Variants in HMCN2 observed in about 807,000 individuals in gnomAD.
The protein encoded by HMCN2 is hemicentin-2.
In HMCN2, 325 loss-of-function variants were observed where a neutral mutation model predicts 377.5. That is an observed-to-expected ratio of 0.86 (90% CI 0.79 to 0.94). The LOEUF (loss-of-function observed/expected upper bound fraction) is 0.94. HMCN2 is among the 40% of genes least tolerant of loss of function. The pLI is 0.00. For missense variants in HMCN2, 4,543 were observed against 4,725.3 expected (o/e 0.96, Z 1.13); for synonymous variants, 2,007 against 2,046.8 (o/e 0.98, Z 0.53).
At chr9:130,322,436 T>A (rs1291924855) in intron 19 of HMCN2, among the ~76,000 whole-genome samples, 7 of 152,264 alleles carry the variant, frequency 4.6e-5, no homozygotes, top group African/African-American at 1.7e-4. Context: ...CCAAATAGGA[T>A]CACATGCTGT....
chr9:130,395,917 TCTCC>T lies in HMCN2; in HGVS notation c.10912-6_10912-3del. ...AAGGGTCTGTCCACCCTGGCGGGGC[TCTCC>T]AGGAGGACGCCCACACACAATTCCC... On this transcript the variant is annotated splice_polypyrimidine_tract_variant and splice_region_variant and intron_variant, in intron 71 of 97. Coordinates refer to ENST00000683500, the MANE Select transcript of HMCN2 (RefSeq NM_001291815.2). The T allele has an allele frequency of 1.6e-6, 2 of 1,285,828 alleles. No homozygotes were observed. Among genetic ancestry groups the T allele is most frequent in the Non-Finnish European group, 2.0e-6 (2 of 987,688 alleles). The allele number at this position is 1,285,828 out of a possible 1,614,324, so 79.7% of individuals were successfully genotyped here. A position where few individuals can be genotyped will look rare whatever the true frequency, so the allele number is the denominator to read the frequency against.
chr9:130,315,206 CCCTCCCCT>C (rs1837483034), intron 15 of HMCN2, among the ~76,000 whole-genome samples: 1 of 3,682 alleles, frequency 2.7e-4, no homozygotes, highest in Non-Finnish European at 8.1e-4. Context: ...CCCCTCCCTC[CCCTCCCCT>C]CCCTCCCCTC....
chr9:130,371,416 A>G (rs1434767873), intron 46 of HMCN2, among the ~76,000 whole-genome samples: 4 of 151,878 alleles, frequency 2.6e-5, no homozygotes, highest in Admixed American at 2.0e-4. Flanking sequence ...GTCCTGCAGA[A>G]AAAAAAAAAA....
chr9:130,399,019 G>A (rs369768368), intron 75 of HMCN2, among the ~76,000 whole-genome samples: 3 of 152,136 alleles, frequency 2.0e-5, no homozygotes, highest in African/African-American at 4.8e-5. Flanking sequence ...TTGGGAGGCT[G>A]AGGTGGGAGG....
rs749069853 is a variant in HMCN2, at chr9:130,408,874, C to T, written c.12820C>T (p.Arg4274Trp). Residue 4274 changes from arginine (R) to tryptophan (W), a missense_variant, in exon 84 of 98, where the codon CGG (arginine) becomes TGG (tryptophan). Coordinates refer to ENST00000683500, the MANE Select transcript of HMCN2 (RefSeq NM_001291815.2). ...IHWIKDGLPL[R>W]GSHLRHQLQN... ...CTGGATCAAAGATGGCCTTCCACTG[C>T]GGGGCAGCCACCTCCGGCACCAGCT... The T allele has an allele frequency of 8.8e-5, 114 of 1,289,654 alleles. No homozygotes were observed. The highest frequency in any genetic ancestry group is 9.7e-5 in the Non-Finnish European group (96 of 988,870). The allele number at this position is 1,289,654 out of a possible 1,614,324, so 79.9% of individuals were successfully genotyped here. A position where few individuals can be genotyped will look rare whatever the true frequency, so the allele number is the denominator to read the frequency against.
chr9:130,271,201 A>G lies in HMCN2; in HGVS notation c.259+5064A>G, dbSNP rs368629957. ...AGCTTGATTGCCTGACTCGGATAGT[A>G]TTTTTCAGATTTCTCCACTATAGAG... On this transcript the variant is annotated intron_variant, in intron 1 of 97. Transcript: ENST00000683500. Among the ~76,000 whole-genome samples, 93 of 148,548 alleles carry G rather than the reference A, an allele frequency of 6.3e-4. 7 individuals are homozygous for G. The South Asian group carries it at 0.02, about 32-fold the overall frequency.
chr9:130,364,711 C>T lies in HMCN2; in HGVS notation c.6233-3C>T, dbSNP rs1840597760. The T allele has an allele frequency of 2.0e-6, 2 of 986,056 alleles. No individual in the cohort carries two copies. The highest frequency in any genetic ancestry group is 2.4e-6 in the Non-Finnish European group (2 of 830,074). 61.1% of individuals were successfully genotyped at this position (986,056 alleles called of 1,614,324 possible). ...GGAGCCCTTCTCCTGCCCCCTCCTG[C>T]AGTGCCCCCGAGTATCCTTGGAGAA... On this transcript the variant is annotated splice_region_variant and splice_polypyrimidine_tract_variant and intron_variant, in intron 40 of 97. Coordinates refer to ENST00000683500, the MANE Select transcript of HMCN2 (RefSeq NM_001291815.2).
chr9:130,415,369 G>A (rs1843631747), intron 85 of HMCN2, among the ~76,000 whole-genome samples: 1 of 152,140 alleles, frequency 6.6e-6, no homozygotes, highest in Non-Finnish European at 1.5e-5. Flanking sequence ...ATGGGGTCTT[G>A]CTCTGTCACC....
intron 1 of HMCN2, among the ~76,000 whole-genome samples, chr9:130,274,027 T>C (rs889289664): frequency 6.6e-6 from 1 of 151,864 alleles, no homozygotes; most frequent in Non-Finnish European, 1.5e-5. Flanking sequence ...ATCCTTCTCC[T>C]GTTGACCTAT....
Position 130,369,803 on chromosome 9 carries a change from G to A in HMCN2, c.7021G>A (p.Glu2341Lys), listed in dbSNP as rs1329310626. 8.1e-6 allele frequency: 8 copies of A among 986,094 alleles called. No homozygotes were observed. Among genetic ancestry groups the A allele is most frequent in the African/African-American group, 7.0e-5 (4 of 57,370 alleles). The allele number at this position is 986,094 out of a possible 1,614,324, so 61.1% of individuals were successfully genotyped here. A position where few individuals can be genotyped will look rare whatever the true frequency, so the allele number is the denominator to read the frequency against. Residue 2341 changes from glutamate (E) to lysine (K), a missense_variant, in exon 45 of 98, where the codon GAG (glutamate) becomes AAG (lysine). By Grantham distance (56) the Glu-to-Lys change is moderately conservative (BLOSUM62 1). Coordinates refer to ENST00000683500, the MANE Select transcript of HMCN2 (RefSeq NM_001291815.2). This position sits in a 1 kb window ranked among gnomAD's most constrained non-coding sequence, Gnocchi z 4.5. ...AHTGRYSCVAENLAGRAERKF... is the reference protein window; with the variant it reads ...AHTGRYSCVAKNLAGRAERKF... ...CACTGGACGCTACAGCTGTGTGGCCGAGAACCTGGCTGGGAGGGCAGAGAG... is the reference window on the plus strand; with the variant it reads ...CACTGGACGCTACAGCTGTGTGGCCAAGAACCTGGCTGGGAGGGCAGAGAG...
rs1839822589 is a variant in HMCN2 at position 130,353,130 on chromosome 9, G to A, written c.4789G>A (p.Asp1597Asn). Reference sequence around the variant, plus strand: ...GCAGCTGGGGAGGGCCCAGAGCTCCGATGCCGGCGTCTACACCTGCAAGGC... The same window carrying A: ...GCAGCTGGGGAGGGCCCAGAGCTCCAATGCCGGCGTCTACACCTGCAAGGC... ...QLQLGRAQSS[D>N]AGVYTCKASN... The change falls in exon 31 of 98, where the codon GAT becomes AAT. Residue 1597 changes from aspartate to asparagine, a missense_variant. By Grantham distance (23) the Asp-to-Asn change is conservative. This residue lies in a region of HMCN2 where 1,032 missense variants were observed against 1,285.1 expected (regional missense o/e 0.80). Transcript: ENST00000683500. The A allele has an allele frequency of 1.5e-5, 20 of 1,304,192 alleles. No individual in the cohort carries two copies. The highest frequency in any genetic ancestry group is 2.0e-5 in the Non-Finnish European group (20 of 988,940). The allele number at this position is 1,304,192 out of a possible 1,614,324, so 80.8% of individuals were successfully genotyped here.
chr9:130,334,950 A>T (rs981681095), intron 22 of HMCN2, among the ~76,000 whole-genome samples: 1 of 151,678 alleles, frequency 6.6e-6, no homozygotes, highest in Non-Finnish European at 1.5e-5. Flanking sequence ...GATCCTCCCA[A>T]CTCAGCCTCT....
chr9:130,382,908 G>A (rs1841807864), intron 56 of HMCN2, 42 bp downstream of exon 56: 19 of 971,116 alleles, frequency 2.0e-5, no homozygotes, highest in Non-Finnish European at 2.3e-5. Context: ...AGTGGCTGCT[G>A]AGGCCCAGCA....
chr9:130,353,099 G>T lies in HMCN2; in HGVS notation c.4758G>T (p.Arg1586=), dbSNP rs1177424338. 1.5e-6 allele frequency: 2 copies of T among 1,304,140 alleles called. No homozygotes were observed. The highest frequency in any genetic ancestry group is 2.0e-6 in the Non-Finnish European group (2 of 988,958). 80.8% of individuals were successfully genotyped at this position (1,304,140 alleles called of 1,614,324 possible). A position where few individuals can be genotyped will look rare whatever the true frequency, so the allele number is the denominator to read the frequency against. The stretch of plus-strand genomic sequence containing the variant: ...AGGTGGTCTACACTAGGGGCGGTCG[G>T]CAGTTGCAGCTGGGGAGGGCCCAGA... ...STKVVYTRGG[R]QLQLGRAQSS... The change falls in exon 31 of 98, where the codon CGG becomes CGT. Residue 1586 remains arginine (R), a synonymous_variant. Coordinates refer to ENST00000683500, the MANE Select transcript of HMCN2 (RefSeq NM_001291815.2).
In HMCN2 at chr9:130,310,028, G is replaced by A. The variant is rs898740578; in HGVS notation, c.2317G>A (p.Asp773Asn). The change falls in exon 15 of 98, where the codon GAC (aspartate) becomes AAC (asparagine). Residue 773 changes from aspartate to asparagine, a missense_variant. By Grantham distance (23) the Asp-to-Asn change is conservative. Around this residue, in one of 5 missense-constraint regions of HMCN2, gnomAD observed 547 missense variants for 189.9 expected, o/e 2.88. Transcript: ENST00000683500. Reference protein sequence around the residue: ...YTCRAVNELGDASAEIQLAVG... With the variant: ...YTCRAVNELGNASAEIQLAVG... ...CTGCCGGGCTGTCAATGAGTTGGGT[G>A]ACGCCTCTGCAGAAATCCAGCTGGC... 5.6e-6 allele frequency: 3 copies of A among 533,972 alleles called. No individual in the cohort carries two copies. 33.1% of individuals were successfully genotyped at this position (533,972 alleles called of 1,614,324 possible). A position where few individuals can be genotyped will look rare whatever the true frequency, so the allele number is the denominator to read the frequency against.
rs188289789 is a variant in HMCN2 at position 130,429,419 on chromosome 9, C to A, written c.14198-138C>A. On this transcript the variant is annotated intron_variant, in intron 93 of 97. Coordinates refer to ENST00000683500, the MANE Select transcript of HMCN2 (RefSeq NM_001291815.2). Reference sequence around the variant, plus strand: ...ATAACTGGGGGAGGTGCTGTGAGGGCGGCCATGCAGCCTGGTGGCACTGAA... The same window carrying A: ...ATAACTGGGGGAGGTGCTGTGAGGGAGGCCATGCAGCCTGGTGGCACTGAA... 4.8e-6 allele frequency: 5 copies of A among 1,037,212 alleles called. No homozygotes were observed. In the Admixed American group the frequency reaches 1.3e-4, roughly 26 times the overall value. 64.3% of individuals were successfully genotyped at this position (1,037,212 alleles called of 1,614,324 possible).
chr9:130,424,919 C>T lies in HMCN2; in HGVS notation c.13519+6C>T, dbSNP rs1844237514. ...ACACGTGGAGTTTGCTACAGGTAAA[C>T]AGGGCCTCCCCCAGGTGGGCCAGGT... On this transcript the variant is annotated splice_donor_region_variant and intron_variant, in intron 88 of 97. Transcript: ENST00000683500. The T allele has an allele frequency of 1.4e-6, 2 of 1,461,510 alleles. No individual in the cohort carries two copies. The highest frequency in any genetic ancestry group is 1.4e-5 in the African/African-American group (1 of 70,302). The allele number at this position is 1,461,510 out of a possible 1,614,324, so 90.5% of individuals were successfully genotyped here. A position where few individuals can be genotyped will look rare whatever the true frequency, so the allele number is the denominator to read the frequency against.
intron 54 of HMCN2, among the ~76,000 whole-genome samples, chr9:130,381,927 C>T (rs906025428): frequency 4.6e-5 from 7 of 152,140 alleles, no homozygotes; most frequent in Non-Finnish European, 7.3e-5. Context: ...GTGACAACAG[C>T]GTGTGCCCCA....
chr9:130,415,131 AC>A (rs945432122), intron 85 of HMCN2, among the ~76,000 whole-genome samples: 8 of 151,858 alleles, frequency 5.3e-5, no homozygotes, highest in African/African-American at 1.9e-4. Context: ...CCGGACTTCC[AC>A]TCTCATCTAG....
Sources: gnomAD v4.1 joint callset for allele counts (sites outside exome capture counted in the v4.1 genomes callset) on GRCh38, gnomAD v4.1.1 for gene constraint, gnomAD v4.1.1 regional missense constraint, Gnocchi (gnomAD v3.1) non-coding constraint, MANE v1.5 for transcripts, NCBI Gene and HGNC (gene_info 2026-07-23, HGNC 2026-07-21) for gene names.